NLRC5: variants seen among roughly 807,000 people sequenced by gnomAD.
NLRC5 encodes protein NLRC5.
In NLRC5, 114 loss-of-function variants were observed where a neutral mutation model predicts 206.9. The observed-to-expected ratio is 0.55, with a 90% CI of 0.47 to 0.64. The LOEUF is 0.64. Ranked by LOEUF, NLRC5 falls within the 30% of genes least tolerant of loss-of-function variation. The pLI, the probability that NLRC5 is intolerant of heterozygous loss-of-function variation, is 0.00. For synonymous variants in NLRC5, 952 were observed against 962.8 expected, an observed-to-expected ratio of 0.99 and a Z score of 0.21; for missense variants, 2,008 against 2,305.5, an observed-to-expected ratio of 0.87 and a Z score of 2.64.
rs770441023 is a variant in NLRC5 at position 57,079,578 on chromosome 16, C to T, written c.5270C>T (p.Ala1757Val). ...LVSCKIDNQT[A>V]KLLTSSFTSC... ...TCCTGTAAGATTGACAACCAGACTGCCAAGCTCCTCACCTCCAGCTTCACG... is the reference window on the plus strand; with the variant it reads ...TCCTGTAAGATTGACAACCAGACTGTCAAGCTCCTCACCTCCAGCTTCACG... Residue 1757 changes from alanine (A) to valine (V), a missense_variant, in exon 46 of 49, where the codon GCC becomes GTC. Ala to Val is a moderately conservative substitution (Grantham distance 64). Coordinates refer to ENST00000688547, the MANE Select transcript of NLRC5 (RefSeq NM_001384950.1). 1 of 1,614,128 alleles carries T rather than the reference C, an allele frequency of 6.2e-7. No homozygotes were observed. Among genetic ancestry groups the T allele is most frequent in the South Asian group, 1.1e-5 (1 of 91,078 alleles).
chr16:57,018,042 G>C (rs2060267206), intron 2 of NLRC5, among the ~76,000 whole-genome samples: 2 of 152,218 alleles, frequency 1.3e-5, no homozygotes, highest in African/African-American at 4.8e-5. Context: ...GAACACTAAT[G>C]ATGGAAACAA....
Position 57,081,514 on chromosome 16 carries a change from G to GTCCA in NLRC5, c.5406-12_5406-9dup. The GTCCA allele has an allele frequency of 6.2e-7, 1 of 1,613,312 alleles. No individual in the cohort carries two copies. Among genetic ancestry groups the GTCCA allele is most frequent in the Non-Finnish European group, 8.5e-7 (1 of 1,179,306 alleles). On this transcript the variant is annotated splice_polypyrimidine_tract_variant and intron_variant, in intron 47 of 48. Coordinates refer to ENST00000688547, the MANE Select transcript of NLRC5 (RefSeq NM_001384950.1). ...TGTTTCTCTTTCCCCTCCCCTCACT[G>GTCCA]TCCACTGAGAAGCCTGGAGAAGAAT...
rs372915863 is a variant in NLRC5 at position 57,076,905 on chromosome 16, G to C, written c.4835+3G>C. 37 of 1,613,514 alleles carry C rather than the reference G, an allele frequency of 2.3e-5. No homozygotes were observed. The highest frequency in any genetic ancestry group is 3.1e-5 in the Non-Finnish European group (37 of 1,179,850). On this transcript the variant is annotated splice_donor_region_variant and intron_variant, in intron 40 of 48. Transcript: ENST00000688547. ...GCCACCAGCCTAGAGGAGCTGGAGT[G>C]AGTTGCCCATTCTGCCCCCAGACCC...
intron 10 of NLRC5, among the ~76,000 whole-genome samples, chr16:57,030,415 AAAAGATGGATGGG>A (rs2061691943): frequency 5.3e-4 from 12 of 22,568 alleles, no homozygotes; most frequent in South Asian, 3.4e-3. Context: ...TGGATGGCTG[AAAAGATGGATGGG>A]TGGATGAAAA....
intron 10 of NLRC5, among the ~76,000 whole-genome samples, 196 bp from the exon 11 acceptor site, chr16:57,031,208 T>C (rs1597257447): frequency 6.6e-6 from 1 of 152,244 alleles, no homozygotes; most frequent in Admixed American, 6.5e-5. Context: ...GCAGGATTCA[T>C]CAAGCAAAGA....
At chr16:57,073,580 C>T (rs2068026685) in intron 38 of NLRC5, among the ~76,000 whole-genome samples, 1 of 152,108 alleles carries the variant, frequency 6.6e-6, no homozygotes, top group African/African-American at 2.4e-5. Context: ...CCATCTTTTG[C>T]TTCTGCCTCT....
chr16:57,062,023 A>C (rs1347433767), intron 32 of NLRC5: 2 of 1,409,980 alleles, frequency 1.4e-6, no homozygotes, highest in Non-Finnish European at 1.9e-6. Context: ...GTTCACTATG[A>C]TCATTTTAAA....
At chr16:57,059,363 G>T (rs1448764029) in intron 29 of NLRC5, 104 bp from the exon 30 acceptor site, 4 of 1,515,034 alleles carry the variant, frequency 2.6e-6, no homozygotes, top group Non-Finnish European at 3.5e-6. Flanking sequence ...CCTTGTCCTT[G>T]TGGGTGCAGC....
intron 40 of NLRC5, 112 bp downstream of exon 40, chr16:57,077,014 C>G (rs924340810): frequency 4.8e-5 from 44 of 922,018 alleles, no homozygotes; most frequent in Middle Eastern, 6.3e-4. Context: ...CTCCTTCACC[C>G]ACTTCTACAC....
At position 57,044,130 on chromosome 16, in the gene NLRC5, C is replaced by T. The variant is rs573224371; in HGVS notation, c.3203+526C>T. Among the ~76,000 whole-genome samples, 153 of 140,668 alleles carry T rather than the reference C, an allele frequency of 1.1e-3. 1 individual carries two copies. Among genetic ancestry groups the T allele is most frequent in the African/African-American group, 4.0e-3 (146 of 36,606 alleles). 92.3% of individuals were successfully genotyped at this position (140,668 alleles called of 152,430 possible). A position where few individuals can be genotyped will look rare whatever the true frequency, so the allele number is the denominator to read the frequency against. Reference sequence around the variant, plus strand: ...CCTGGCCAACAGGGTGAAACCCTGTCTCTGCTAAAAATACCAAAAAAAAAA... The same window carrying T: ...CCTGGCCAACAGGGTGAAACCCTGTTTCTGCTAAAAATACCAAAAAAAAAA... On this transcript the variant is annotated intron_variant, in intron 20 of 48. Transcript: ENST00000688547.
At chr16:57,059,434 G>T (rs1331857728) in intron 29 of NLRC5, 33 bp from the exon 30 acceptor site, 1 of 1,583,338 alleles carries the variant, frequency 6.3e-7, no homozygotes, top group Non-Finnish European at 8.6e-7. Context: ...GCATGTCTGG[G>T]CACCGTGCTT....
At chr16:57,041,223 G>T in intron 17 of NLRC5, 1 of 498,320 alleles carries the variant, frequency 2.0e-6, no homozygotes, top group Non-Finnish European at 3.6e-6. Context: ...GTCTTCCTCT[G>T]ATCTGCTCTC....
rs1281741525 is a variant in NLRC5, at chr16:57,026,344, C to T, written c.1401C>T (p.Gly467=). The T allele has an allele frequency of 1.9e-6, 3 of 1,613,842 alleles. No homozygotes were observed. The Admixed American group carries it at 5.0e-5, about 27-fold the overall frequency. The change falls in exon 6 of 49, where the codon GGC becomes GGT. Residue 467 remains glycine, a synonymous_variant. Transcript: ENST00000688547. ...LLDLGEVALR[G]LETGKVIFYA... is the part of the protein sequence containing the mutation. ...ACCTGGGGGAGGTGGCCCTGAGGGG[C>T]CTGGAGACAGGGAAGGTTATCTTCT...
chr16:57,025,003 G>A (rs924437343), intron 5 of NLRC5, among the ~76,000 whole-genome samples: 5 of 152,044 alleles, frequency 3.3e-5, no homozygotes, highest in African/African-American at 9.7e-5. Context: ...CTGAGACTCT[G>A]TCTCTGGGAA....
At chr16:57,009,769 T>A (rs1314298005) in intron 1 of NLRC5, among the ~76,000 whole-genome samples, 1 of 152,182 alleles carries the variant, frequency 6.6e-6, no homozygotes, top group Non-Finnish European at 1.5e-5. Context: ...TTGATTTTTT[T>A]AAAAAACTGT....
intron 24 of NLRC5, 38 bp downstream of exon 24, chr16:57,051,659 GCT>G: frequency 6.5e-7 from 1 of 1,549,168 alleles, no homozygotes; most frequent in Non-Finnish European, 8.9e-7. Context: ...GGTTCCTTGT[GCT>G]CGTGTTTCTA....
chr16:57,038,414 T>C (rs1246368616), intron 15 of NLRC5, among the ~76,000 whole-genome samples: 1 of 152,148 alleles, frequency 6.6e-6, no homozygotes, highest in Admixed American at 6.5e-5. Context: ...TGAGTCACTA[T>C]GCCTGGCAAT....
At chr16:57,013,215 G>A (rs2059682351) in intron 1 of NLRC5, 1 of 482,298 alleles carries the variant, frequency 2.1e-6, no homozygotes, top group African/African-American at 2.0e-5. Flanking sequence ...GTTGCGAACA[G>A]TATCAAATCC....
intron 1 of NLRC5, among the ~76,000 whole-genome samples, chr16:56,999,412 C>G (rs2058005308): frequency 6.6e-6 from 1 of 152,258 alleles, no homozygotes; most frequent in Non-Finnish European, 1.5e-5. Flanking sequence ...CAAACCACTT[C>G]CCAGCCTGCA....
Sources: gnomAD v4.1 joint callset for allele counts (sites outside exome capture counted in the v4.1 genomes callset) on GRCh38, gnomAD v4.1.1 for gene constraint, MANE v1.5 for transcripts, NCBI Gene and HGNC (gene_info 2026-07-23, HGNC 2026-07-21) for gene names.